The following CDH4 variants were observed in gnomAD, a reference collection of about 807,000 sequenced individuals.
The protein encoded by CDH4 is cadherin-4.
In CDH4, 33 loss-of-function variants were observed where a neutral mutation model predicts 86.0. The observed-to-expected ratio is 0.38, with a 90% CI of 0.29 to 0.51. CDH4 has a LOEUF of 0.51. CDH4 is among the 20% of genes least tolerant of loss of function. The probability of loss-of-function intolerance (pLI) is 0.86; values close to 1 mark genes in which losing one functional copy is unlikely to be tolerated. For synonymous variants in CDH4, 555 were observed against 549.4 expected (o/e 1.01, Z -0.14); for missense variants, 1,114 against 1,307.4 (o/e 0.85, Z 2.28).
intron 2 of CDH4, among the ~76,000 whole-genome samples, chr20:61,311,573 G>C (rs1431379502): frequency 6.6e-6 from 1 of 152,234 alleles, no homozygotes; most frequent in Non-Finnish European, 1.5e-5. Flanking sequence ...CCAAGGGAAA[G>C]TCTAGAAAAC....
chr20:61,425,331 G>A (rs898157958), intron 2 of CDH4, among the ~76,000 whole-genome samples: 3 of 151,988 alleles, frequency 2.0e-5, no homozygotes, highest in Non-Finnish European at 4.4e-5. Flanking sequence ...AGCCACCCTC[G>A]ACACTAGGAC....
intron 4 of CDH4, among the ~76,000 whole-genome samples, chr20:61,834,043 C>G (rs545550904): frequency 1.3e-5 from 2 of 152,312 alleles, no homozygotes; most frequent in South Asian, 4.1e-4. Context: ...GAGGTGCACT[C>G]TCATTGGTCC....
chr20:61,804,070 C>G (rs1979986759), intron 4 of CDH4, among the ~76,000 whole-genome samples: 1 of 152,254 alleles, frequency 6.6e-6, no homozygotes, highest in Non-Finnish European at 1.5e-5. Context: ...TCCACACGAG[C>G]TTGTTGTTGG....
At position 61,393,458 on chromosome 20, in the gene CDH4, G is replaced by T. The variant is rs770059202; in HGVS notation, c.169+138521G>T. ...AAAATTAAACCTGGATGCTTTGATC[G>T]CTGGCAGTAAGCGACACGCTGAACC... On this transcript the variant is annotated intron_variant, in intron 2 of 15. Coordinates refer to ENST00000614565, the MANE Select transcript of CDH4 (RefSeq NM_001794.5). The surrounding 1 kb of genome is among the most constrained non-coding windows in gnomAD (Gnocchi z 4.3). 3.3e-5 allele frequency among the ~76,000 whole-genome samples: 5 copies of T among 152,144 alleles called. No individual in the cohort carries two copies. The highest frequency in any genetic ancestry group is 7.4e-5 in the Non-Finnish European group (5 of 68,018).
chr20:61,933,183 G>T, intron 14 of CDH4, 59 bp downstream of exon 14: 1 of 1,579,426 alleles, frequency 6.3e-7, no homozygotes, highest in Non-Finnish European at 8.6e-7. Flanking sequence ...GTGTACTAGT[G>T]TCTCAGCAGG....
intron 2 of CDH4, among the ~76,000 whole-genome samples, chr20:61,592,816 A>C (rs1478276206): frequency 6.6e-6 from 1 of 152,160 alleles, no homozygotes; most frequent in Non-Finnish European, 1.5e-5. Flanking sequence ...TTGCAGAATC[A>C]CTTCATAGTG....
intron 2 of CDH4, among the ~76,000 whole-genome samples, chr20:61,315,661 T>G (rs1488095535): frequency 6.6e-6 from 1 of 152,232 alleles, no homozygotes; most frequent in Non-Finnish European, 1.5e-5. Flanking sequence ...AAATAAAAGT[T>G]GTATATATTT....
chr20:61,461,426 T>A (rs1209187977), intron 2 of CDH4, among the ~76,000 whole-genome samples: 3 of 152,180 alleles, frequency 2.0e-5, no homozygotes, highest in African/African-American at 7.2e-5. Context: ...GTGAGGAGCC[T>A]CTGTAGAATA....
chr20:61,598,058 C>T (rs1348840181), intron 2 of CDH4, among the ~76,000 whole-genome samples: 1 of 152,242 alleles, frequency 6.6e-6, no homozygotes, highest in Non-Finnish European at 1.5e-5. Context: ...CCCCTTCCCA[C>T]CTCCGTCTCA....
At chr20:61,773,400 G>T (rs1371883670) in intron 4 of CDH4, among the ~76,000 whole-genome samples, 1 of 152,228 alleles carries the variant, frequency 6.6e-6, no homozygotes, top group South Asian at 2.1e-4. Flanking sequence ...AGTTAGGGGT[G>T]ATTTCTCTCT....
intron 4 of CDH4, among the ~76,000 whole-genome samples, chr20:61,841,393 C>T (rs895663940): frequency 6.6e-6 from 1 of 152,192 alleles, no homozygotes; most frequent in Non-Finnish European, 1.5e-5. Flanking sequence ...GAGAGGGGCT[C>T]CTCCCCTCTA....
At chr20:61,565,260 G>GTGGTGGTGGCGGTGCTCTTGGTGA (rs2086274487) in intron 2 of CDH4, among the ~76,000 whole-genome samples, 2 of 101,726 alleles carry the variant, frequency 2.0e-5, no homozygotes, top group Non-Finnish European at 4.3e-5. Flanking sequence ...CTTGGTGATG[G>GTGGTGGTGGCGGTGCTCTTGGTGA]TGGTGGTGGT....
At chr20:61,282,770 C>G (rs747777576) in intron 2 of CDH4, among the ~76,000 whole-genome samples, 4 of 152,194 alleles carry the variant, frequency 2.6e-5, no homozygotes, top group Non-Finnish European at 4.4e-5. Context: ...TGTATGCACA[C>G]GGATAAGCAT....
intron 2 of CDH4, among the ~76,000 whole-genome samples, chr20:61,512,810 G>A (rs1171398189): frequency 6.6e-6 from 1 of 152,224 alleles, no homozygotes; most frequent in East Asian, 1.9e-4. Context: ...GCTCATGGCT[G>A]TGAGCACAGG....
chr20:61,549,988 C>T (rs2086115578), intron 2 of CDH4, among the ~76,000 whole-genome samples: 1 of 152,160 alleles, frequency 6.6e-6, no homozygotes, highest in Non-Finnish European at 1.5e-5. Context: ...CACTGGCACC[C>T]ATCCTCCCCG....
intron 4 of CDH4, among the ~76,000 whole-genome samples, chr20:61,823,409 TGAA>T (rs992512971): frequency 2.2e-4 from 31 of 138,354 alleles, no homozygotes; most frequent in African/African-American, 7.9e-4. Context: ...GTGATGATGA[TGAA>T]GGTGATAGTG....
intron 8 of CDH4, among the ~76,000 whole-genome samples, chr20:61,901,186 G>A (rs995069300): frequency 8.2e-5 from 11 of 133,962 alleles, no homozygotes; most frequent in African/African-American, 2.4e-4. Flanking sequence ...TCACTCAAGC[G>A]GGTATTGCAG....
intron 3 of CDH4, among the ~76,000 whole-genome samples, chr20:61,756,680 A>AG (rs2088569071): frequency 6.6e-6 from 1 of 151,868 alleles, no homozygotes; most frequent in African/African-American, 2.4e-5. Flanking sequence ...CTGGCATTGC[A>AG]GGGAAGCATC....
chr20:61,933,906 G>A, intron 14 of CDH4, 150 bp from the exon 15 acceptor site: 1 of 840,922 alleles, frequency 1.2e-6, no homozygotes, highest in Non-Finnish European at 1.9e-6. Flanking sequence ...GGGCACAGCA[G>A]GGGACAGCAT....
Sources: allele counts gnomAD v4.1 joint callset (sites outside exome capture counted in the v4.1 genomes callset), GRCh38; gene constraint gnomAD v4.1.1; non-coding constraint Gnocchi (gnomAD v3.1); transcripts MANE v1.5; gene names NCBI Gene and HGNC (gene_info 2026-07-23, HGNC 2026-07-21).